Variants in GNB5 observed in about 807,000 individuals in gnomAD.
GNB5 encodes the protein G protein subunit beta 5.
GNB5 carries 37 observed loss-of-function variants against 55.3 expected under a neutral mutation model. The observed-to-expected ratio is 0.67, with a 90% confidence interval of 0.51 to 0.88. The LOEUF is 0.88. Ranked by LOEUF, GNB5 falls within the 40% of genes least tolerant of loss-of-function variation. The pLI, the probability that GNB5 is intolerant of heterozygous loss-of-function variation, is 0.00. For missense variants in GNB5, 476 were observed against 515.3 expected (o/e 0.92, Z 0.74); for synonymous variants, 219 against 198.5 (o/e 1.10, Z -0.87).
At chr15:52,167,888 C>A (rs2034481167) in intron 3 of GNB5, among the ~76,000 whole-genome samples, 4 of 151,942 alleles carry the variant, frequency 2.6e-5, no homozygotes, top group South Asian at 2.1e-4. Flanking sequence ...ATAAAAAAAA[C>A]TAAAGAAAAA....
chr15:52,125,821 G>T, intron 11 of GNB5, 127 bp downstream of exon 11: 1 of 617,824 alleles, frequency 1.6e-6, no homozygotes, highest in East Asian at 2.8e-5. Context: ...GTGCAAATAT[G>T]GATGATTTCG....
intron 9 of GNB5, among the ~76,000 whole-genome samples, chr15:52,129,884 A>G (rs935578082): frequency 1.2e-4 from 18 of 152,226 alleles, no homozygotes; most frequent in Middle Eastern, 3.2e-3. Context: ...AAATGCTAAT[A>G]CTGAACCCCA....
chr15:52,143,422 G>A (rs1307943341), intron 6 of GNB5, among the ~76,000 whole-genome samples: 2 of 152,184 alleles, frequency 1.3e-5, no homozygotes, highest in East Asian at 1.9e-4. Flanking sequence ...TCTTGGTTAC[G>A]TATTCATCTT....
At position 52,136,219 on chromosome 15, in the gene GNB5, A is replaced by G. The variant is rs531449563; in HGVS notation, c.628-463T>C. 3.3e-5 allele frequency among the ~76,000 whole-genome samples: 5 copies of G among 150,082 alleles called. No homozygotes were observed. In the South Asian group the frequency reaches 8.4e-4, roughly 25 times the overall value. On this transcript the variant is annotated intron_variant, in intron 7 of 12. Coordinates refer to ENST00000261837, the MANE Select transcript of GNB5 (RefSeq NM_016194.4). ...TCATGCACAGAAATCTCTCTTCTAT[A>G]CAAAGAAGGAAAGAGTGCATTTCCT...
rs1286166060 is a variant in GNB5 at position 52,136,111 on chromosome 15, AAAACACACACACACACACACAC to A, written c.628-377_628-356del. On this transcript the variant is annotated intron_variant, in intron 7 of 12. Transcript: ENST00000261837. ...CACACACACACACAGGGAAAAGCAG[AAAACACACACACACACACACAC>A]ACACACACACACACACACACACACA... Among the ~76,000 whole-genome samples, 9 of 77,142 alleles carry A rather than the reference AAAACACACACACACACACACAC, an allele frequency of 1.2e-4. No individual in the cohort carries two copies. In the East Asian group the frequency reaches 3.3e-3, roughly 28 times the overall value. The allele number at this position is 77,142 out of a possible 152,430, so 50.6% of individuals were successfully genotyped here. A position where few individuals can be genotyped will look rare whatever the true frequency, so the allele number is the denominator to read the frequency against.
At chr15:52,159,954 T>C (rs571517892) in intron 3 of GNB5, among the ~76,000 whole-genome samples, 4 of 150,942 alleles carry the variant, frequency 2.7e-5, no homozygotes, top group Non-Finnish European at 5.9e-5. Context: ...TTAGCTTCTT[T>C]TTTTTTTTTT....
At chr15:52,139,855 C>T in intron 7 of GNB5, 1 of 1,285,520 alleles carries the variant, frequency 7.8e-7, no homozygotes, top group Non-Finnish European at 1.0e-6. Flanking sequence ...CCCGGGGCAA[C>T]ACAGAGCGAG....
intron 9 of GNB5, among the ~76,000 whole-genome samples, chr15:52,133,175 T>C (rs1164901362): frequency 6.6e-6 from 1 of 152,188 alleles, no homozygotes; most frequent in Non-Finnish European, 1.5e-5. Context: ...AGGGAGGATA[T>C]TAATTGCTCC....
At position 52,190,117 on chromosome 15, in the gene GNB5, A is replaced by T. The variant is rs980348967; in HGVS notation, c.-19+1205T>A. On this transcript the variant is annotated intron_variant, in intron 1 of 12. Transcript: ENST00000261837. The stretch of plus-strand genomic sequence containing the variant: ...AAACGTGGACATCATATCTCAATAA[A>T]TTTTTTTTTTTTTTTTTTTAGACAG... Among the ~76,000 whole-genome samples, 16 of 144,012 alleles carry T rather than the reference A, an allele frequency of 1.1e-4. No individual in the cohort carries two copies. In the East Asian group the frequency reaches 2.9e-3, roughly 26 times the overall value. 94.5% of individuals were successfully genotyped at this position (144,012 alleles called of 152,430 possible).
At chr15:52,185,455 T>C (rs2034831138) in intron 1 of GNB5, among the ~76,000 whole-genome samples, 1 of 152,196 alleles carries the variant, frequency 6.6e-6, no homozygotes, top group African/African-American at 2.4e-5. Flanking sequence ...AGGTCGGTAA[T>C]ACAGGGAGTG....
chr15:52,152,711 G>C (rs1480908995), intron 4 of GNB5, among the ~76,000 whole-genome samples: 1 of 150,926 alleles, frequency 6.6e-6, no homozygotes, highest in Non-Finnish European at 1.5e-5. Flanking sequence ...GCTCACTGCA[G>C]CCTTGACCTC....
At chr15:52,157,845 A>G (rs965084982) in intron 3 of GNB5, among the ~76,000 whole-genome samples, 2 of 151,924 alleles carry the variant, frequency 1.3e-5, no homozygotes, top group East Asian at 3.9e-4. Flanking sequence ...CTATCTGCCA[A>G]ATTTTGCATC....
At position 52,149,660 on chromosome 15, in the gene GNB5, G is replaced by A. The variant is rs1001923504; in HGVS notation, c.417+224C>T. On this transcript the variant is annotated intron_variant, in intron 5 of 12. Coordinates refer to ENST00000261837, the MANE Select transcript of GNB5 (RefSeq NM_016194.4). ...TGTTGGTATTGGCAGCCCCTATGGTGGCTCTAATTGTCCTCTTGGGGCGAG... is the reference window on the plus strand; with the variant it reads ...TGTTGGTATTGGCAGCCCCTATGGTAGCTCTAATTGTCCTCTTGGGGCGAG... 6.5e-6 allele frequency: 4 copies of A among 618,130 alleles called. No individual in the cohort carries two copies. In the African/African-American group the frequency reaches 7.3e-5, roughly 11 times the overall value. The allele number at this position is 618,130 out of a possible 1,614,324, so 38.3% of individuals were successfully genotyped here. A position where few individuals can be genotyped will look rare whatever the true frequency, so the allele number is the denominator to read the frequency against.
chr15:52,128,303 A>G, intron 9 of GNB5, 59 bp from the exon 10 acceptor site: 1 of 1,062,114 alleles, frequency 9.4e-7, no homozygotes, highest in South Asian at 1.3e-5. Context: ...TGCCCATCAG[A>G]ACCATGCTAG....
intron 5 of GNB5, among the ~76,000 whole-genome samples, chr15:52,148,901 G>T (rs1279449138): frequency 2.6e-5 from 4 of 152,228 alleles, no homozygotes; most frequent in African/African-American, 9.6e-5. Flanking sequence ...CGGGCCACAA[G>T]TGGCACCCTC....
intron 4 of GNB5, among the ~76,000 whole-genome samples, chr15:52,150,703 G>A (rs915086541): frequency 2.0e-5 from 3 of 152,098 alleles, no homozygotes; most frequent in Non-Finnish European, 4.4e-5. Context: ...GCCTCCCATG[G>A]GTGTGGGTTG....
At chr15:52,167,600 G>C (rs944405802) in intron 3 of GNB5, among the ~76,000 whole-genome samples, 1 of 152,046 alleles carries the variant, frequency 6.6e-6, no homozygotes, top group African/African-American at 2.4e-5. Flanking sequence ...GAACGCAGGA[G>C]GTAGAGGTTG....
rs763820162 is a variant in GNB5, at chr15:52,133,482, A to G, written c.772-13T>C. On this transcript the variant is annotated splice_polypyrimidine_tract_variant and intron_variant, in intron 8 of 12. Coordinates refer to ENST00000261837, the MANE Select transcript of GNB5 (RefSeq NM_016194.4). ...TCTTGTCACATCCCTACAAATGAAA[A>G]TTAGCCAGAGTTATGGCCACTTTAA... 10 of 1,584,196 alleles carry G rather than the reference A, an allele frequency of 6.3e-6. 1 individual carries two copies. The Admixed American group carries it at 1.0e-4, about 16-fold the overall frequency.
At position 52,143,218 on chromosome 15, in the gene GNB5, AG is replaced by A. The variant is rs202066431; in HGVS notation, c.495-1947del. ...AATGATTTGCACTTAGGCTATGGTAAGGGGACAAGCATGCTGTGGACTATGG... is the reference window on the plus strand; with the variant it reads ...AATGATTTGCACTTAGGCTATGGTAAGGGACAAGCATGCTGTGGACTATGG... On this transcript the variant is annotated intron_variant, in intron 6 of 12. Coordinates refer to ENST00000261837, the MANE Select transcript of GNB5 (RefSeq NM_016194.4). Among the ~76,000 whole-genome samples the A allele has an allele frequency of 4.8e-3, 726 of 152,056 alleles. 17 individuals are homozygous for A. The highest frequency in any genetic ancestry group is 0.025 in the Admixed American group (376 of 15,266).
Sources: gnomAD v4.1 joint callset for allele counts (sites outside exome capture counted in the v4.1 genomes callset) on GRCh38, gnomAD v4.1.1 for gene constraint, MANE v1.5 for transcripts, NCBI Gene and HGNC (gene_info 2026-07-23, HGNC 2026-07-21) for gene names.